The following SVOPL variants were observed in gnomAD, a reference collection of about 807,000 sequenced individuals.
SVOPL encodes putative transporter SVOPL.
In SVOPL, 60 loss-of-function variants were observed where a neutral mutation model predicts 61.0. The observed-to-expected ratio is 0.98, with a 90% CI of 0.80 to 1.22. The LOEUF is 1.22. Ranked by LOEUF, SVOPL falls within the 50% of genes most tolerant of loss-of-function variation. The pLI is 0.00. For synonymous variants in SVOPL, 279 were observed against 250.0 expected (o/e 1.12, Z -1.09); for missense variants, 662 against 643.9 (o/e 1.03, Z -0.30).
chr7:138,680,739 C>T (rs1049574641), intron 1 of SVOPL, among the ~76,000 whole-genome samples: 2 of 152,008 alleles, frequency 1.3e-5, no homozygotes, highest in African/African-American at 2.4e-5. Context: ...CCACCACGCC[C>T]GGCTAATTTT....
At chr7:138,674,392 A>T (rs1802504547) in intron 3 of SVOPL, among the ~76,000 whole-genome samples, 1 of 151,942 alleles carries the variant, frequency 6.6e-6, no homozygotes, top group African/African-American at 2.4e-5. Context: ...CTGTCAACAT[A>T]TCAATGCTGA....
At chr7:138,638,653 GA>G (rs34206076) in intron 9 of SVOPL, among the ~76,000 whole-genome samples, 100,587 of 150,806 alleles carry the variant, frequency 0.67, 35,432 homozygotes, top group Middle Eastern at 0.81. Flanking sequence ...TAAGTTCAAA[GA>G]AAAAAAAATA....
At chr7:138,624,339 T>A (rs1659813) in intron 13 of SVOPL, among the ~76,000 whole-genome samples, 2 of 152,064 alleles carry the variant, frequency 1.3e-5, no homozygotes, top group Admixed American at 6.6e-5. Context: ...ACTGATGAAG[T>A]CTTCAAAATT....
intron 1 of SVOPL, 111 bp from the exon 2 acceptor site, chr7:138,679,190 A>G: frequency 1.5e-6 from 1 of 678,310 alleles, no homozygotes; most frequent in Non-Finnish European, 2.5e-6. Flanking sequence ...CAAAAATCGA[A>G]TGAGGTATGT....
intron 14 of SVOPL, among the ~76,000 whole-genome samples, chr7:138,616,039 T>C (rs2116844876): frequency 6.6e-6 from 1 of 152,012 alleles, no homozygotes; most frequent in South Asian, 2.1e-4. Flanking sequence ...CCCCTCTTTC[T>C]GGATGTGAGG....
At chr7:138,597,368 T>C (rs1798323360) in intron 14 of SVOPL, 3 of 467,912 alleles carry the variant, frequency 6.4e-6, no homozygotes, top group Middle Eastern at 8.4e-4. Flanking sequence ...TAATTACTTG[T>C]CCAAAGTCAC....
At chr7:138,695,096 G>T (rs1162408410) in intron 1 of SVOPL, among the ~76,000 whole-genome samples, 2 of 152,182 alleles carry the variant, frequency 1.3e-5, no homozygotes, top group Non-Finnish European at 2.9e-5. Flanking sequence ...CAGCAAAGAT[G>T]TTATCCAAAA....
rs762064545 is a variant in SVOPL at position 138,629,998 on chromosome 7, T to TA, written c.863+50_863+51insT. 2.0e-6 allele frequency: 3 copies of TA among 1,471,124 alleles called. No homozygotes were observed. In the South Asian group the frequency reaches 3.4e-5, roughly 17 times the overall value. 91.1% of individuals were successfully genotyped at this position (1,471,124 alleles called of 1,614,324 possible). On this transcript the variant is annotated intron_variant, in intron 10 of 15. Coordinates refer to ENST00000674285, the MANE Select transcript of SVOPL (RefSeq NM_001139456.2). Reference sequence around the variant, plus strand: ...TCACATAGATTTACTTAAATAGGCTTCCTCCCAATGCCTCTATTTAAAACT... The same window carrying TA: ...TCACATAGATTTACTTAAATAGGCTTACCTCCCAATGCCTCTATTTAAAACT...
At chr7:138,675,786 T>C (rs939829658) in intron 3 of SVOPL, among the ~76,000 whole-genome samples, 3 of 152,156 alleles carry the variant, frequency 2.0e-5, no homozygotes, top group Non-Finnish European at 4.4e-5. Context: ...CCCCATATCT[T>C]TGATTTTCCA....
intron 1 of SVOPL, among the ~76,000 whole-genome samples, chr7:138,693,536 AG>A: frequency 1.4e-5 from 1 of 71,574 alleles, no homozygotes; most frequent in African/African-American, 7.7e-5. Context: ...AGAAAAAGAA[AG>A]AAAGAAAGAA....
chr7:138,622,058 C>CTATCTATCTATG (rs1799633666), intron 13 of SVOPL, among the ~76,000 whole-genome samples: 1 of 37,412 alleles, frequency 2.7e-5, no homozygotes, highest in African/African-American at 8.3e-5. Flanking sequence ...ATCTATGTAT[C>CTATCTATCTATG]TATCTATCTA....
intron 7 of SVOPL, among the ~76,000 whole-genome samples, chr7:138,649,473 T>A (rs1163886026): frequency 6.6e-6 from 1 of 151,898 alleles, no homozygotes; most frequent in African/African-American, 2.4e-5. Flanking sequence ...TTTTTTGTAT[T>A]TTTAGTAGAG....
At chr7:138,682,180 AT>A (rs1201915794) in intron 1 of SVOPL, among the ~76,000 whole-genome samples, 2 of 152,222 alleles carry the variant, frequency 1.3e-5, no homozygotes, top group African/African-American at 4.8e-5. Flanking sequence ...TTCTAAAAAA[AT>A]AATGGATCCA....
chr7:138,671,212 C>T (rs1038311036), intron 4 of SVOPL, among the ~76,000 whole-genome samples: 1 of 152,184 alleles, frequency 6.6e-6, no homozygotes, highest in African/African-American at 2.4e-5. Flanking sequence ...CCTCCCATCA[C>T]TACCCCTTTC....
At chr7:138,613,757 G>A (rs1456810025) in intron 14 of SVOPL, among the ~76,000 whole-genome samples, 1 of 152,112 alleles carries the variant, frequency 6.6e-6, no homozygotes, top group Admixed American at 6.5e-5. Flanking sequence ...AGCCTCTTGA[G>A]GGCAGGAACC....
chr7:138,672,673 A>AAAAG (rs1563133311), intron 3 of SVOPL, among the ~76,000 whole-genome samples: 6 of 150,566 alleles, frequency 4.0e-5, no homozygotes, highest in African/African-American at 1.5e-4. Flanking sequence ...AAAAAAAAAA[A>AAAAG]AAGAAGCAAT....
chr7:138,652,122 G>T (rs1235696252), intron 7 of SVOPL, among the ~76,000 whole-genome samples: 1 of 151,624 alleles, frequency 6.6e-6, no homozygotes, highest in Non-Finnish European at 1.5e-5. Flanking sequence ...CAGGATCTTG[G>T]CTCACTGCAA....
intron 9 of SVOPL, among the ~76,000 whole-genome samples, chr7:138,633,118 G>A (rs529207474): frequency 1.3e-5 from 2 of 152,210 alleles, no homozygotes; most frequent in East Asian, 1.9e-4. Flanking sequence ...GAAGAAGTGA[G>A]CTGACGCTGT....
At chr7:138,644,904 G>A in intron 8 of SVOPL, 59 bp from the exon 9 acceptor site, 3 of 1,605,780 alleles carry the variant, frequency 1.9e-6, no homozygotes, top group Non-Finnish European at 2.6e-6. Context: ...CAGGGGTACA[G>A]CTATTATTGC....
Sources: allele counts gnomAD v4.1 joint callset (sites outside exome capture counted in the v4.1 genomes callset), GRCh38; gene constraint gnomAD v4.1.1; transcripts MANE v1.5; gene names NCBI Gene and HGNC (gene_info 2026-07-23, HGNC 2026-07-21).